HHIP: variants seen among roughly 807,000 people sequenced by gnomAD.
The protein encoded by HHIP is hedgehog interacting protein, also known as hedgehog-interacting protein.
A neutral mutation model predicts 74.0 loss-of-function variants in HHIP; 12 were observed. That is an observed-to-expected ratio of 0.16 (90% CI 0.10 to 0.26). The LOEUF (loss-of-function observed/expected upper bound fraction) is 0.26, where lower values mean the gene tolerates loss of function less well. Ranked by LOEUF, HHIP falls within the 10% of genes least tolerant of loss-of-function variation. The pLI, the probability that HHIP is intolerant of heterozygous loss-of-function variation, is 1.00. For missense variants in HHIP, 788 were observed against 845.0 expected (o/e 0.93, Z 0.84); for synonymous variants, 309 against 311.6 (o/e 0.99, Z 0.09).
At chr4:144,706,502 A>C in intron 4 of HHIP, 29 bp from the exon 5 acceptor site, 1 of 1,554,140 alleles carries the variant, frequency 6.4e-7, no homozygotes, top group Middle Eastern at 1.7e-4. Context: ...TTAACTTTAC[A>C]ATTCTTTGTG....
intron 4 of HHIP, chr4:144,660,084 A>C: frequency 1.8e-6 from 1 of 543,918 alleles, no homozygotes; most frequent in Non-Finnish European, 3.2e-6. Context: ...CATGTAATTG[A>C]CACATTTAAA....
chr4:144,707,052 AAC>A, intron 5 of HHIP, 33 bp from the exon 6 acceptor site: 1 of 1,583,604 alleles, frequency 6.3e-7, no homozygotes, highest in South Asian at 1.1e-5. Flanking sequence ...TAAATCTTTT[AAC>A]AGTCATGGTA....
chr4:144,741,385 CTTTTTTTT>C lies in HHIP; in HGVS notation c.*3436_*3443del, dbSNP rs35510532. ...GCTGTTTTTTTTTTTTTTTTGGTTT[CTTTTTTTT>C]TTTTTTTGAGACGGAGCCTTGCTAT... On this transcript the variant is annotated 3_prime_UTR_variant, in exon 13 of 13. Coordinates refer to ENST00000296575, the MANE Select transcript of HHIP (RefSeq NM_022475.3). The C allele has an allele frequency of 1.3e-5, 1 of 74,808 alleles. No individual in the cohort carries two copies. Among genetic ancestry groups the C allele is most frequent in the African/African-American group, 5.0e-5 (1 of 20,016 alleles). 4.6% of individuals were successfully genotyped at this position (74,808 alleles called of 1,614,324 possible). A position where few individuals can be genotyped will look rare whatever the true frequency, so the allele number is the denominator to read the frequency against.
At chr4:144,690,999 TA>T (rs1729645893) in intron 4 of HHIP, among the ~76,000 whole-genome samples, 1 of 152,160 alleles carries the variant, frequency 6.6e-6, no homozygotes, top group African/African-American at 2.4e-5. Flanking sequence ...CCAGCATTAA[TA>T]AGGGCAGTTC....
At chr4:144,734,078 A>G (rs976035897) in intron 11 of HHIP, among the ~76,000 whole-genome samples, 1 of 151,710 alleles carries the variant, frequency 6.6e-6, no homozygotes. Flanking sequence ...ATCAGATTTT[A>G]TATATATATA....
In HHIP at chr4:144,652,785, G is replaced by A. The variant is rs1326017893; in HGVS notation, c.460G>A (p.Gly154Ser). 6.3e-7 allele frequency: 1 copy of A among 1,585,218 alleles called. No individual in the cohort carries two copies. The highest frequency in any genetic ancestry group is 8.5e-7 in the Non-Finnish European group (1 of 1,170,112). Reference protein sequence around the residue: ...YCKEFFYTCRGHIPGFLQTTA... With the variant: ...YCKEFFYTCRSHIPGFLQTTA... Reference sequence around the variant, plus strand: ...CAAAGAATTCTTTTACACTTGCCGAGGCCATATTCCAGGTAAGAAAAAAAA... The same window carrying A: ...CAAAGAATTCTTTTACACTTGCCGAAGCCATATTCCAGGTAAGAAAAAAAA... The change falls in exon 2 of 13, where the codon GGC (glycine) becomes AGC (serine). Residue 154 changes from glycine to serine, a missense_variant. Physicochemically the swap from Gly to Ser is moderately conservative, Grantham distance 56. Transcript: ENST00000296575.
At chr4:144,658,452 C>T (rs140671782) in intron 2 of HHIP, among the ~76,000 whole-genome samples, 2 of 151,874 alleles carry the variant, frequency 1.3e-5, no homozygotes, top group Non-Finnish European at 2.9e-5. Flanking sequence ...TCGCTCCAAC[C>T]TCCACCTCCC....
At chr4:144,663,293 CA>C (rs533249894) in intron 4 of HHIP, among the ~76,000 whole-genome samples, 19 of 144,528 alleles carry the variant, frequency 1.3e-4, no homozygotes, top group Non-Finnish European at 2.0e-4. Flanking sequence ...GACTCCATTT[CA>C]AAAAAAAAAA....
Position 144,711,517 on chromosome 4 carries a change from G to A in HHIP, c.1302-433G>A, listed in dbSNP as rs528648961. On this transcript the variant is annotated intron_variant, in intron 7 of 12. Transcript: ENST00000296575. ...ACCCCGCCCCCCAACAGGCCCCAGT[G>A]TGTGATGTTTCCCTCCCTGTGTCCA... 1.7e-3 allele frequency among the ~76,000 whole-genome samples: 259 copies of A among 152,130 alleles called. 2 individuals are homozygous for A. The highest frequency in any genetic ancestry group is 6.1e-3 in the African/African-American group (252 of 41,502).
chr4:144,652,928 A>G (rs1009305712), intron 2 of HHIP, 131 bp downstream of exon 2: 8 of 591,470 alleles, frequency 1.4e-5, no homozygotes, highest in African/African-American at 1.4e-4. Flanking sequence ...TTACCTCATA[A>G]TTAACATTTC....
chr4:144,646,849 G>C lies in HHIP; in HGVS notation c.174G>C (p.Gln58His), dbSNP rs763395407. The change falls in exon 1 of 13, where the codon CAG becomes CAC. Residue 58 changes from glutamine to histidine, a missense_variant. Transcript: ENST00000296575. ...LKRRDRRMMS[Q>H]LELLSGGEML... ...GGAGAGACAGGAGGATGATGTCCCAGCTGGAGCTGCTGAGTGGGGGAGAGA... is the reference window on the plus strand; with the variant it reads ...GGAGAGACAGGAGGATGATGTCCCACCTGGAGCTGCTGAGTGGGGGAGAGA... 6.2e-7 allele frequency: 1 copy of C among 1,614,232 alleles called. No individual in the cohort carries two copies. The highest frequency in any genetic ancestry group is 1.1e-5 in the South Asian group (1 of 91,090).
intron 4 of HHIP, among the ~76,000 whole-genome samples, chr4:144,691,380 C>T (rs900173826): frequency 3.3e-5 from 5 of 152,070 alleles, no homozygotes; most frequent in African/African-American, 1.2e-4. Context: ...ATATGTGTGA[C>T]ATAAAGACAA....
intron 4 of HHIP, among the ~76,000 whole-genome samples, chr4:144,670,764 G>GAAAAAAAAAAAA (rs1167213848): frequency 2.8e-3 from 153 of 54,886 alleles, no homozygotes; most frequent in East Asian, 3.1e-3. Flanking sequence ...CTTAAGATTT[G>GAAAAAAAAAAAA]AAAAAAAAAA....
At chr4:144,712,290 G>C (rs974362045) in intron 8 of HHIP, among the ~76,000 whole-genome samples, 7 of 152,092 alleles carry the variant, frequency 4.6e-5, no homozygotes, top group Non-Finnish European at 8.8e-5. Context: ...GGATTGAAAG[G>C]TTCTCAGTAG....
chr4:144,660,912 C>G (rs1365190923), intron 4 of HHIP, among the ~76,000 whole-genome samples: 2 of 151,956 alleles, frequency 1.3e-5, no homozygotes, highest in Admixed American at 6.6e-5. Flanking sequence ...ATACATATTG[C>G]CAATTTGCTT....
intron 1 of HHIP, among the ~76,000 whole-genome samples, chr4:144,649,247 T>A (rs28432956): frequency 8.8e-5 from 13 of 148,336 alleles, no homozygotes; most frequent in East Asian, 3.9e-4. Context: ...AAAAAAAAAA[T>A]TCCCCAGAAA....
intron 4 of HHIP, among the ~76,000 whole-genome samples, chr4:144,678,723 C>T (rs979758202): frequency 2.0e-5 from 3 of 152,174 alleles, no homozygotes; most frequent in South Asian, 2.1e-4. Context: ...GACATGAAAT[C>T]ATCGTTTTTA....
chr4:144,692,576 T>G (rs1729704207), intron 4 of HHIP, among the ~76,000 whole-genome samples: 2 of 152,196 alleles, frequency 1.3e-5, no homozygotes, highest in Admixed American at 1.3e-4. Flanking sequence ...AACGCCCTAG[T>G]CTGAATTAGA....
At position 144,737,961 on chromosome 4, in the gene HHIP, C is replaced by A; in HGVS notation, c.*4C>A. 6.4e-7 allele frequency: 1 copy of A among 1,566,474 alleles called. No homozygotes were observed. The highest frequency in any genetic ancestry group is 8.6e-7 in the Non-Finnish European group (1 of 1,156,516). The stretch of plus-strand genomic sequence containing the variant: ...TCTAACAAGTTACATTGTATAGTTT[C>A]TGGGACTGTTTGAATATTCTATTCC... On this transcript the variant is annotated 3_prime_UTR_variant, in exon 13 of 13. Transcript: ENST00000296575.
Sources: allele counts gnomAD v4.1 joint callset (sites outside exome capture counted in the v4.1 genomes callset), GRCh38; gene constraint gnomAD v4.1.1; transcripts MANE v1.5; gene names NCBI Gene and HGNC (gene_info 2026-07-23, HGNC 2026-07-21).